Variants in GALNTL6 observed in about 807,000 individuals in gnomAD.
GALNTL6 encodes polypeptide N-acetylgalactosaminyltransferase-like 6.
Under a neutral mutation model 73.7 loss-of-function variants are expected in GALNTL6, and 46 were observed. The ratio of observed to expected loss-of-function variants is 0.62; its 90% confidence interval spans 0.49 to 0.80. GALNTL6 has a LOEUF of 0.80. Among genes scored for constraint, GALNTL6 ranks in the 30% least tolerant of loss-of-function variants. The pLI, the probability that GALNTL6 is intolerant of heterozygous loss-of-function variation, is 0.00. For missense variants in GALNTL6, 604 were observed against 755.0 expected, an observed-to-expected ratio of 0.80 and a Z score of 2.34; for synonymous variants, 259 against 263.7, an observed-to-expected ratio of 0.98 and a Z score of 0.17.
At chr4:172,822,358 T>C (rs1394898701) in intron 7 of GALNTL6, among the ~76,000 whole-genome samples, 2 of 152,122 alleles carry the variant, frequency 1.3e-5, no homozygotes, top group East Asian at 3.9e-4. Context: ...ATAGGTAGCC[T>C]GGTAGGTTAT....
intron 5 of GALNTL6, among the ~76,000 whole-genome samples, chr4:172,622,438 G>C (rs541724420): frequency 6.6e-6 from 1 of 152,082 alleles, no homozygotes; most frequent in African/African-American, 2.4e-5. Flanking sequence ...AGACAAAGAG[G>C]TATTTTCAGA....
intron 7 of GALNTL6, among the ~76,000 whole-genome samples, chr4:172,862,801 A>G (rs995520467): frequency 6.6e-6 from 1 of 152,238 alleles, no homozygotes; most frequent in Non-Finnish European, 1.5e-5. Context: ...ATTAATCAAC[A>G]AGACAACGTG....
chr4:172,708,938 T>TTTCA (rs758145559), intron 5 of GALNTL6, among the ~76,000 whole-genome samples: 2 of 152,216 alleles, frequency 1.3e-5, no homozygotes, highest in Non-Finnish European at 2.9e-5. Context: ...TAAGTGGGAT[T>TTTCA]TGAAGGCATT....
At chr4:172,183,527 T>A (rs1374780748) in intron 2 of GALNTL6, among the ~76,000 whole-genome samples, 1 of 152,190 alleles carries the variant, frequency 6.6e-6, no homozygotes, top group Non-Finnish European at 1.5e-5. Context: ...GATTCAACAA[T>A]GTAGGCAAGG....
At chr4:172,771,297 T>C (rs757957444) in intron 5 of GALNTL6, among the ~76,000 whole-genome samples, 33 of 152,310 alleles carry the variant, frequency 2.2e-4, no homozygotes, top group Non-Finnish European at 4.0e-4. Flanking sequence ...AGAAGTTCGG[T>C]AATTTGAAAC....
intron 5 of GALNTL6, among the ~76,000 whole-genome samples, chr4:172,742,753 A>G (rs969761154): frequency 1.3e-5 from 2 of 152,116 alleles, no homozygotes; most frequent in Non-Finnish European, 2.9e-5. Context: ...ATCTGCTGAC[A>G]GGATTTCCCT....
At chr4:172,480,386 T>C (rs547129807) in intron 5 of GALNTL6, among the ~76,000 whole-genome samples, 1 of 152,334 alleles carries the variant, frequency 6.6e-6, no homozygotes, top group African/African-American at 2.4e-5. Context: ...ATGTAAATTC[T>C]GACTTCATTT....
At chr4:172,252,927 G>A (rs1737933680) in intron 3 of GALNTL6, among the ~76,000 whole-genome samples, 1 of 151,964 alleles carries the variant, frequency 6.6e-6, no homozygotes, top group East Asian at 1.9e-4. Flanking sequence ...GGGGCATCAT[G>A]TGCTAATAAA....
chr4:172,576,534 T>A (rs551166156), intron 5 of GALNTL6, among the ~76,000 whole-genome samples: 21 of 152,284 alleles, frequency 1.4e-4, no homozygotes, highest in Admixed American at 7.2e-4. Flanking sequence ...TGGAATCCTG[T>A]CTTTTGCCAT....
chr4:171,997,980 A>G (rs1269962195), intron 2 of GALNTL6, among the ~76,000 whole-genome samples: 2 of 152,100 alleles, frequency 1.3e-5, no homozygotes, highest in African/African-American at 4.8e-5. Flanking sequence ...TTATGTTTAT[A>G]TATCATCCAG....
At chr4:172,529,707 T>C (rs1215635414) in intron 5 of GALNTL6, among the ~76,000 whole-genome samples, 2 of 148,038 alleles carry the variant, frequency 1.4e-5, no homozygotes, top group Admixed American at 6.8e-5. Flanking sequence ...GTTGTTGAGA[T>C]GGAGTCTTGC....
intron 7 of GALNTL6, among the ~76,000 whole-genome samples, chr4:172,825,056 C>CTTTT (rs36147306): frequency 0.013 from 1,523 of 118,294 alleles, 109 homozygotes; most frequent in Non-Finnish European, 0.02. Context: ...ATTCTTTTTT[C>CTTTT]TTTTTTTTTT....
At chr4:173,026,543 A>T (rs977179512) in intron 12 of GALNTL6, among the ~76,000 whole-genome samples, 10 of 152,244 alleles carry the variant, frequency 6.6e-5, no homozygotes, top group African/African-American at 2.4e-4. Flanking sequence ...GGGTACAGGC[A>T]CTGCCAAGAA....
chr4:172,626,354 C>G (rs1328223860), intron 5 of GALNTL6, among the ~76,000 whole-genome samples: 1 of 151,986 alleles, frequency 6.6e-6, no homozygotes, highest in Non-Finnish European at 1.5e-5. Flanking sequence ...TCTGGGTTCT[C>G]TATCCTGTCT....
intron 5 of GALNTL6, among the ~76,000 whole-genome samples, chr4:172,804,578 G>A (rs952638742): frequency 2.0e-5 from 3 of 152,220 alleles, no homozygotes; most frequent in African/African-American, 7.2e-5. Context: ...CAGCTGCTGA[G>A]CCTGGGGCAG....
intron 2 of GALNTL6, among the ~76,000 whole-genome samples, chr4:172,059,924 T>C (rs939212715): frequency 1.1e-4 from 16 of 152,110 alleles, no homozygotes; most frequent in Non-Finnish European, 1.6e-4. Context: ...AAGGGAAATA[T>C]GAAGGGCACA....
intron 2 of GALNTL6, among the ~76,000 whole-genome samples, chr4:172,054,381 A>T (rs182573494): frequency 6.7e-4 from 102 of 152,296 alleles, no homozygotes; most frequent in African/African-American, 2.3e-3. Flanking sequence ...AAAGTGTCTT[A>T]GTTTATTTAG....
intron 11 of GALNTL6, among the ~76,000 whole-genome samples, chr4:173,018,082 G>C (rs992132570): frequency 2.6e-5 from 4 of 151,520 alleles, no homozygotes; most frequent in Non-Finnish European, 5.9e-5. Flanking sequence ...CAAAGACAGA[G>C]AGATGGAGAC....
intron 5 of GALNTL6, among the ~76,000 whole-genome samples, chr4:172,789,141 A>C (rs1194002472): frequency 6.6e-6 from 1 of 152,142 alleles, no homozygotes; most frequent in Non-Finnish European, 1.5e-5. Context: ...AGAGGTAGAA[A>C]GCTCAGTCCT....
Sources: allele counts gnomAD v4.1 joint callset (sites outside exome capture counted in the v4.1 genomes callset), GRCh38; gene constraint gnomAD v4.1.1; transcripts MANE v1.5; gene names NCBI Gene and HGNC (gene_info 2026-07-23, HGNC 2026-07-21).